The following SMARCD2 variants were observed in gnomAD, a reference collection of about 807,000 sequenced individuals.
The protein encoded by SMARCD2 is SWI/SNF-related matrix-associated actin-dependent regulator of chromatin subfamily D member 2.
SMARCD2 carries 39 observed loss-of-function variants against 70.4 expected under a neutral mutation model. That is an observed-to-expected ratio of 0.55 (90% confidence interval 0.43 to 0.72). SMARCD2 has a LOEUF of 0.72. SMARCD2 is among the 30% of genes least tolerant of loss of function. SMARCD2 has a pLI of 0.00. For synonymous variants in SMARCD2, 249 were observed against 279.4 expected (o/e 0.89, Z 1.08); for missense variants, 540 against 713.4 (o/e 0.76, Z 2.77).
At position 63,837,931 on chromosome 17, in the gene SMARCD2, C is replaced by G. The variant is rs2040287063; in HGVS notation, c.217-306G>C. 6.6e-6 allele frequency among the ~76,000 whole-genome samples: 1 copy of G among 152,166 alleles called. No homozygotes were observed. Reference sequence around the variant, plus strand: ...GGAGCTTTTCAGGGCCCATTGCTACCTTCCAGCCCCAGCATGCTGTGCCCT... The same window carrying G: ...GGAGCTTTTCAGGGCCCATTGCTACGTTCCAGCCCCAGCATGCTGTGCCCT... On this transcript the variant is annotated intron_variant, in intron 1 of 12. Coordinates refer to ENST00000448276, the MANE Select transcript of SMARCD2 (RefSeq NM_001098426.2). The surrounding 1 kb of genome is among the most constrained non-coding windows in gnomAD (Gnocchi z 6.4).
In SMARCD2 at chr17:63,833,648, T is replaced by G; in HGVS notation, c.1256A>C (p.Gln419Pro). The G allele has an allele frequency of 1.9e-6, 3 of 1,613,980 alleles. No individual in the cohort carries two copies. Among genetic ancestry groups the G allele is most frequent in the Non-Finnish European group, 2.5e-6 (3 of 1,179,888 alleles). Residue 419 changes from glutamine (Q) to proline (P), a missense_variant, in exon 10 of 13, where the codon CAA becomes CCA. Transcript: ENST00000448276. The surrounding 1 kb of genome is among the most constrained non-coding windows in gnomAD (Gnocchi z 4.3). Reference sequence around the variant, plus strand: ...GGTAGAGGCCAGAAAATTGCTCATTTGGGCCTTCAGTGGGTCGTCCACCTC... The same window carrying G: ...GGTAGAGGCCAGAAAATTGCTCATTGGGGCCTTCAGTGGGTCGTCCACCTC... ...DVEVDDPLKAQMSNFLASTTN... is the reference protein window; with the variant it reads ...DVEVDDPLKAPMSNFLASTTN...
rs2040239070 is a variant in SMARCD2 at position 63,834,467 on chromosome 17, C to CT, written c.921+6dup. The CT allele has an allele frequency of 6.3e-7, 1 of 1,576,902 alleles. No individual in the cohort carries two copies. The highest frequency in any genetic ancestry group is 8.6e-7 in the Non-Finnish European group (1 of 1,156,334). On this transcript the variant is annotated splice_region_variant and intron_variant, in intron 7 of 12. Coordinates refer to ENST00000448276, the MANE Select transcript of SMARCD2 (RefSeq NM_001098426.2). This position sits in a 1 kb window ranked among gnomAD's most constrained non-coding sequence, Gnocchi z 5.6. ...GGGCCCAGAAATGACCCCAGGGTCT[C>CT]TGTCACCTGATGATCCAGCATGAGC...
In SMARCD2 at chr17:63,837,316, C is replaced by T; in HGVS notation, c.402-79G>A. The T allele has an allele frequency of 6.5e-7, 1 of 1,541,688 alleles. No homozygotes were observed. Among genetic ancestry groups the T allele is most frequent in the Non-Finnish European group, 9.0e-7 (1 of 1,114,340 alleles). ...ACTCCCATAACGCCCCTCCAGTCTC[C>T]AGGACCCTCTCCCCCAGGAGAGCCT... On this transcript the variant is annotated intron_variant, in intron 2 of 12. Transcript: ENST00000448276. This position sits in a 1 kb window ranked among gnomAD's most constrained non-coding sequence, Gnocchi z 6.4.
In SMARCD2 at chr17:63,834,252, T is replaced by G. The variant is rs1375060687; in HGVS notation, c.998A>C (p.Gln333Pro). The change falls in exon 8 of 13, where the codon CAG becomes CCG. Residue 333 changes from glutamine (Q) to proline (P), a missense_variant. Coordinates refer to ENST00000448276, the MANE Select transcript of SMARCD2 (RefSeq NM_001098426.2). This position sits in a 1 kb window ranked among gnomAD's most constrained non-coding sequence, Gnocchi z 5.6. ...VHTQTRAAIMQALWLYIKHNQ... is the reference protein window; with the variant it reads ...VHTQTRAAIMPALWLYIKHNQ... ...GTGCTTGATGTAAAGCCACAGGGCC[T>G]GCATGATGGCGGCCCTCGTCTGCGT... 1 of 1,610,534 alleles carries G rather than the reference T, an allele frequency of 6.2e-7. No homozygotes were observed.
Position 63,833,794 on chromosome 17 carries a change from C to G in SMARCD2, c.1182-72G>C. 1 of 1,597,006 alleles carries G rather than the reference C, an allele frequency of 6.3e-7. No individual in the cohort carries two copies. Among genetic ancestry groups the G allele is most frequent in the Non-Finnish European group, 8.6e-7 (1 of 1,165,334 alleles). The stretch of plus-strand genomic sequence containing the variant: ...TGCCCACCTGGGCCAAATCTGGGGC[C>G]CATTCTCTGCACACACTCAGGGAAA... On this transcript the variant is annotated intron_variant, in intron 9 of 12. Coordinates refer to ENST00000448276, the MANE Select transcript of SMARCD2 (RefSeq NM_001098426.2). The surrounding 1 kb of genome is among the most constrained non-coding windows in gnomAD (Gnocchi z 4.3).
At position 63,835,550 on chromosome 17, in the gene SMARCD2, C is replaced by T; in HGVS notation, c.585G>A (p.Arg195=). 1 of 1,613,878 alleles carries T rather than the reference C, an allele frequency of 6.2e-7. No homozygotes were observed. Among genetic ancestry groups the T allele is most frequent in the South Asian group, 1.1e-5 (1 of 91,046 alleles). Residue 195 remains arginine (R), a synonymous_variant, in exon 5 of 13, where the codon CGG becomes CGA. Coordinates refer to ENST00000448276, the MANE Select transcript of SMARCD2 (RefSeq NM_001098426.2). ...KKPLTQKRKL[R]IYISNTFSPS... is the part of the protein sequence containing the mutation. The stretch of plus-strand genomic sequence containing the variant: ...GACTGAACGTATTGGAAATGTAGAT[C>T]CGAAGCTTTCGCTTTTGCTAAAGAG...
rs1259873722 is a variant in SMARCD2 at position 63,837,736 on chromosome 17, C to A, written c.217-111G>T. On this transcript the variant is annotated intron_variant, in intron 1 of 12. Coordinates refer to ENST00000448276, the MANE Select transcript of SMARCD2 (RefSeq NM_001098426.2). The surrounding 1 kb of genome is among the most constrained non-coding windows in gnomAD (Gnocchi z 6.4). ...AGCCAGGTAGGGCCTGAGCAGCACA[C>A]CAGAGCCCTGCTGGAGCCCCAGGAA... 13 of 841,294 alleles carry A rather than the reference C, an allele frequency of 1.5e-5. No homozygotes were observed. The highest frequency in any genetic ancestry group is 2.0e-5 in the Non-Finnish European group (11 of 543,514). 52.1% of individuals were successfully genotyped at this position (841,294 alleles called of 1,614,324 possible). A position where few individuals can be genotyped will look rare whatever the true frequency, so the allele number is the denominator to read the frequency against.
chr17:63,832,842 C>A lies in SMARCD2; in HGVS notation c.*96G>T. On this transcript the variant is annotated 3_prime_UTR_variant, in exon 13 of 13. Transcript: ENST00000448276. Reference sequence around the variant, plus strand: ...GGAGAGTAGAGGGTGACAGCAGACACTCCTCACCCCAGCCTACGTGTCTGC... The same window carrying A: ...GGAGAGTAGAGGGTGACAGCAGACAATCCTCACCCCAGCCTACGTGTCTGC... The A allele has an allele frequency of 1.0e-6, 1 of 1,002,676 alleles. No individual in the cohort carries two copies. The highest frequency in any genetic ancestry group is 2.6e-5 in the East Asian group (1 of 38,246). The allele number at this position is 1,002,676 out of a possible 1,614,324, so 62.1% of individuals were successfully genotyped here.
Position 63,833,000 on chromosome 17 carries a change from G to C in SMARCD2, c.1543-9C>G. Reference sequence around the variant, plus strand: ...TGCCTTCGCTGCTGCACCTGGAGAAGGGAGAAACCAAGTGGCTCAGGCCTT... The same window carrying C: ...TGCCTTCGCTGCTGCACCTGGAGAACGGAGAAACCAAGTGGCTCAGGCCTT... On this transcript the variant is annotated splice_polypyrimidine_tract_variant and intron_variant, in intron 12 of 12. Transcript: ENST00000448276. 6.3e-7 allele frequency: 1 copy of C among 1,587,622 alleles called. No individual in the cohort carries two copies. Among genetic ancestry groups the C allele is most frequent in the Non-Finnish European group, 8.6e-7 (1 of 1,168,266 alleles).
In SMARCD2 at chr17:63,832,833, C is replaced by G. The variant is rs2040209102; in HGVS notation, c.*105G>C. On this transcript the variant is annotated 3_prime_UTR_variant, in exon 13 of 13. Transcript: ENST00000448276. The stretch of plus-strand genomic sequence containing the variant: ...ACTAAAGCTGGAGAGTAGAGGGTGA[C>G]AGCAGACACTCCTCACCCCAGCCTA... The G allele has an allele frequency of 5.6e-6, 5 of 894,290 alleles. No homozygotes were observed. Among genetic ancestry groups the G allele is most frequent in the Non-Finnish European group, 9.1e-6 (5 of 550,578 alleles). The allele number at this position is 894,290 out of a possible 1,614,324, so 55.4% of individuals were successfully genotyped here.
Position 63,837,114 on chromosome 17 carries a change from G to A in SMARCD2, c.445-70C>T, listed in dbSNP as rs762803775. 25 of 1,612,298 alleles carry A rather than the reference G, an allele frequency of 1.6e-5. No individual in the cohort carries two copies. In the East Asian group the frequency reaches 4.9e-4, roughly 32 times the overall value. On this transcript the variant is annotated intron_variant, in intron 3 of 12. Transcript: ENST00000448276. The surrounding 1 kb of genome is among the most constrained non-coding windows in gnomAD (Gnocchi z 6.4). ...CCTGGCTCTTTCCTCCCTTCCTGCT[G>A]CAGCCCAGCTTTGAGAGAGATGGAC...
chr17:63,840,250 G>A (rs1904405258), intron 1 of SMARCD2, among the ~76,000 whole-genome samples: 1 of 151,766 alleles, frequency 6.6e-6, no homozygotes, highest in Non-Finnish European at 1.5e-5. Flanking sequence ...GCTCAATGCA[G>A]CCTTGAACTC....
chr17:63,839,918 G>T (rs1426731399), intron 1 of SMARCD2, among the ~76,000 whole-genome samples: 4 of 152,152 alleles, frequency 2.6e-5, no homozygotes, highest in Admixed American at 2.0e-4. Context: ...CACAAGGTCA[G>T]GAGTTCGAGA....
rs750686799 is a variant in SMARCD2 at position 63,834,816 on chromosome 17, G to T, written c.724-16C>A. ...GTTTGCTAGGCTGGGGATGGAAAGG[G>T]GTGTGAGATGGTGCTGCTGAGCTCT... On this transcript the variant is annotated splice_polypyrimidine_tract_variant and intron_variant, in intron 5 of 12. Coordinates refer to ENST00000448276, the MANE Select transcript of SMARCD2 (RefSeq NM_001098426.2). The surrounding 1 kb of genome is among the most constrained non-coding windows in gnomAD (Gnocchi z 5.6). The T allele has an allele frequency of 8.0e-6, 12 of 1,501,948 alleles. No individual in the cohort carries two copies. Among genetic ancestry groups the T allele is most frequent in the Non-Finnish European group, 7.4e-6 (8 of 1,077,616 alleles). The allele number at this position is 1,501,948 out of a possible 1,614,324, so 93.0% of individuals were successfully genotyped here.
chr17:63,834,436 C>A lies in SMARCD2; in HGVS notation c.921+38G>T. 1 of 1,548,754 alleles carries A rather than the reference C, an allele frequency of 6.5e-7. No homozygotes were observed. Among genetic ancestry groups the A allele is most frequent in the Non-Finnish European group, 8.8e-7 (1 of 1,135,526 alleles). On this transcript the variant is annotated intron_variant, in intron 7 of 12. Coordinates refer to ENST00000448276, the MANE Select transcript of SMARCD2 (RefSeq NM_001098426.2). The surrounding 1 kb of genome is among the most constrained non-coding windows in gnomAD (Gnocchi z 5.6). ...GGAACCAGCTCCCCTCCTGAGGGGT[C>A]CCTGTGGGCCCAGAAATGACCCCAG... is the stretch of plus-strand genomic sequence containing the variant.
chr17:63,838,949 G>A, intron 1 of SMARCD2: 1 of 985,408 alleles, frequency 1.0e-6, no homozygotes, highest in Non-Finnish European at 1.2e-6. Context: ...GAGATGGAAA[G>A]AAACATGACC....
chr17:63,842,638 G>C lies in SMARCD2; in HGVS notation c.37C>G (p.Pro13Ala), dbSNP rs1215921454. 2.4e-5 allele frequency: 30 copies of C among 1,258,608 alleles called. No individual in the cohort carries two copies. The highest frequency in any genetic ancestry group is 2.9e-5 in the Non-Finnish European group (29 of 1,003,826). The allele number at this position is 1,258,608 out of a possible 1,614,324, so 78.0% of individuals were successfully genotyped here. A position where few individuals can be genotyped will look rare whatever the true frequency, so the allele number is the denominator to read the frequency against. The change falls in exon 1 of 13, where the codon CCG becomes GCG. Residue 13 changes from proline to alanine, a missense_variant. Coordinates refer to ENST00000448276, the MANE Select transcript of SMARCD2 (RefSeq NM_001098426.2). ...ACGGCGCCGCCGCCAGGGCTTAGCGGGGGCAGCGGGAACCCGCCCGCGCCT... is the reference window on the plus strand; with the variant it reads ...ACGGCGCCGCCGCCAGGGCTTAGCGCGGGCAGCGGGAACCCGCCCGCGCCT... ...GRGAGGFPLP[P>A]LSPGGGAVAA... is the part of the protein sequence containing the mutation.
rs1157176979 is a variant in SMARCD2 at position 63,832,775 on chromosome 17, AG to A, written c.*162del. The A allele has an allele frequency of 5.5e-5, 37 of 672,750 alleles. No individual in the cohort carries two copies. Among genetic ancestry groups the A allele is most frequent in the African/African-American group, 5.4e-4 (30 of 55,570 alleles). The allele number at this position is 672,750 out of a possible 1,614,324, so 41.7% of individuals were successfully genotyped here. ...AAAAAGTATAAGGCTTTGGGGACCA[AG>A]CAACAAGGAATCCTATCACTACATT... On this transcript the variant is annotated 3_prime_UTR_variant, in exon 13 of 13. Coordinates refer to ENST00000448276, the MANE Select transcript of SMARCD2 (RefSeq NM_001098426.2).
In SMARCD2 at chr17:63,834,109, A is replaced by G; in HGVS notation, c.1083+58T>C. ...AGTCTGCAGGCTGTGGCCAAGGAGTAGCCCAGCAGGCAAGGCAAAGCAAGG... is the reference window on the plus strand; with the variant it reads ...AGTCTGCAGGCTGTGGCCAAGGAGTGGCCCAGCAGGCAAGGCAAAGCAAGG... On this transcript the variant is annotated intron_variant, in intron 8 of 12. Coordinates refer to ENST00000448276, the MANE Select transcript of SMARCD2 (RefSeq NM_001098426.2). This position sits in a 1 kb window ranked among gnomAD's most constrained non-coding sequence, Gnocchi z 5.6. 2 of 1,598,580 alleles carry G rather than the reference A, an allele frequency of 1.3e-6. No individual in the cohort carries two copies. The highest frequency in any genetic ancestry group is 1.7e-5 in the Admixed American group (1 of 59,596).
Sources: allele counts gnomAD v4.1 joint callset (sites outside exome capture counted in the v4.1 genomes callset), GRCh38; gene constraint gnomAD v4.1.1; non-coding constraint Gnocchi (gnomAD v3.1); transcripts MANE v1.5; gene names NCBI Gene and HGNC (gene_info 2026-07-23, HGNC 2026-07-21).